The following HLA-DPB1 variants were observed in gnomAD, a reference collection of about 807,000 sequenced individuals.
HLA-DPB1 encodes HLA class II histocompatibility antigen, DP beta 1 chain.
HLA-DPB1 carries 30 observed loss-of-function variants against 29.4 expected under a neutral mutation model. That is an observed-to-expected ratio of 1.02 (90% confidence interval 0.76 to 1.38). HLA-DPB1 has a LOEUF of 1.38. Among genes scored for constraint, HLA-DPB1 ranks in the 40% most tolerant of loss-of-function variants. The pLI is 0.00. For missense variants in HLA-DPB1, 261 were observed against 327.5 expected (o/e 0.80, Z 1.57); for synonymous variants, 114 against 134.0 (o/e 0.85, Z 1.03).
In HLA-DPB1 at chr6:33,080,580, A is replaced by C. The variant is rs749724904; in HGVS notation, c.101-92A>C. ...TTAAAATCCAGCCCTGGGTGGGAAG[A>C]TTTGGGAAGAATCGTTAATATTGAG... On this transcript the variant is annotated intron_variant, in intron 1 of 5. Coordinates refer to ENST00000418931, the MANE Select transcript of HLA-DPB1 (RefSeq NM_002121.6). The surrounding 1 kb of genome is among the most constrained non-coding windows in gnomAD (Gnocchi z 4.3). 1.9e-6 allele frequency: 3 copies of C among 1,578,750 alleles called. No individual in the cohort carries two copies. In the South Asian group the frequency reaches 3.3e-5, roughly 18 times the overall value.
At chr6:33,083,257 TG>T (rs1762952451) in intron 2 of HLA-DPB1, among the ~76,000 whole-genome samples, 1 of 152,194 alleles carries the variant, frequency 6.6e-6, no homozygotes. Context: ...TACTTTTACC[TG>T]GCCCAGCGCC....
chr6:33,078,333 G>A (rs1035977090), intron 1 of HLA-DPB1, among the ~76,000 whole-genome samples: 9 of 152,120 alleles, frequency 5.9e-5, no homozygotes, highest in Non-Finnish European at 1.3e-4. Context: ...GGAGCCATAG[G>A]GGAGTGGGTA....
intron 1 of HLA-DPB1, among the ~76,000 whole-genome samples, chr6:33,077,460 T>C (rs1391494845): frequency 1.3e-5 from 2 of 152,112 alleles, no homozygotes; most frequent in Non-Finnish European, 2.9e-5. Flanking sequence ...GGTCAAATGG[T>C]ATTTCTAGTT....
In HLA-DPB1 at chr6:33,080,959, G is replaced by T. The variant is rs1303380150; in HGVS notation, c.364+24G>T. On this transcript the variant is annotated intron_variant, in intron 2 of 5. Transcript: ENST00000418931. The surrounding 1 kb of genome is among the most constrained non-coding windows in gnomAD (Gnocchi z 4.3). ...AGGTGAGTGAGGGCTTTGGGCCGGC[G>T]GTCCCAGGGCAGCCCCGCGGGCCCG... The T allele has an allele frequency of 1.3e-6, 2 of 1,557,552 alleles. No homozygotes were observed. Among genetic ancestry groups the T allele is most frequent in the Admixed American group, 1.8e-5 (1 of 55,706 alleles).
chr6:33,084,820 A>G (rs1457868060), intron 2 of HLA-DPB1, 130 bp from the exon 3 acceptor site: 2 of 715,396 alleles, frequency 2.8e-6, no homozygotes, highest in Non-Finnish European at 4.4e-6. Flanking sequence ...AGAATGAAAG[A>G]AAGAAAGAGC....
Position 33,083,540 on chromosome 6 carries a change from C to T in HLA-DPB1, c.365-1410C>T, listed in dbSNP as rs140964379. Reference sequence around the variant, plus strand: ...CTGGAGTGCTGTGGCACCATCATGGCTCACTGCAGCCTCAACCTCCTGGGC... The same window carrying T: ...CTGGAGTGCTGTGGCACCATCATGGTTCACTGCAGCCTCAACCTCCTGGGC... On this transcript the variant is annotated intron_variant, in intron 2 of 5. Transcript: ENST00000418931. 779 of 152,990 alleles carry T rather than the reference C, an allele frequency of 5.1e-3. 3 individuals carry two copies. The highest frequency in any genetic ancestry group is 0.011 in the East Asian group (58 of 5,268). 9.5% of individuals were successfully genotyped at this position (152,990 alleles called of 1,614,324 possible).
At chr6:33,085,622 T>C (rs9277466) in intron 3 of HLA-DPB1, among the ~76,000 whole-genome samples, 157 bp from the exon 4 acceptor site, 57,768 of 151,930 alleles carry the variant, frequency 0.38, 12,412 homozygotes, top group East Asian at 0.64. Flanking sequence ...CTGTTCCAGA[T>C]ATGAGGGTGG....
chr6:33,082,408 C>A (rs9277374), intron 2 of HLA-DPB1, among the ~76,000 whole-genome samples: 56,085 of 150,712 alleles, frequency 0.37, 11,871 homozygotes, highest in East Asian at 0.63. Flanking sequence ...ATGCACAGAT[C>A]TCCAGACTCA....
chr6:33,080,602 T>TGA lies in HLA-DPB1; in HGVS notation c.101-60_101-59dup, dbSNP rs1762785836. On this transcript the variant is annotated intron_variant, in intron 1 of 5. Transcript: ENST00000418931. The surrounding 1 kb of genome is among the most constrained non-coding windows in gnomAD (Gnocchi z 4.3). ...AAGATTTGGGAAGAATCGTTAATAT[T>TGA]GAGAGAGAGAGGGAGAAAGAGGATT... The TGA allele has an allele frequency of 2.2e-5, 35 of 1,593,806 alleles. No homozygotes were observed. Among genetic ancestry groups the TGA allele is most frequent in the South Asian group, 2.0e-4 (18 of 90,560 alleles).
At chr6:33,078,181 G>T (rs1315287528) in intron 1 of HLA-DPB1, among the ~76,000 whole-genome samples, 1 of 152,142 alleles carries the variant, frequency 6.6e-6, no homozygotes, top group East Asian at 1.9e-4. Context: ...GGCAGTGAAA[G>T]GGAGGACGGG....
At chr6:33,082,781 T>G (rs2150375468) in intron 2 of HLA-DPB1, among the ~76,000 whole-genome samples, 1 of 152,300 alleles carries the variant, frequency 6.6e-6, no homozygotes, top group East Asian at 1.9e-4. Context: ...GAGCAAATGT[T>G]TTCTGGGCAT....
Position 33,089,337 on chromosome 6 carries a change from A to G in HLA-DPB1, c.*2803A>G, listed in dbSNP as rs112303369. ...ACCTTCTCTTCAATTTCTTTTACAC[A>G]GTAAGAATAGGATCAGCTGTGCTAA... On this transcript the variant is annotated 3_prime_UTR_variant, in exon 6 of 6. Coordinates refer to ENST00000418931, the MANE Select transcript of HLA-DPB1 (RefSeq NM_002121.6). Among the ~76,000 whole-genome samples the G allele has an allele frequency of 0.019, 2,843 of 152,298 alleles. 77 individuals carry two copies. The highest frequency in any genetic ancestry group is 0.057 in the African/African-American group (2,362 of 41,534).
intron 1 of HLA-DPB1, chr6:33,079,669 TG>T: frequency 2.1e-6 from 1 of 482,956 alleles, no homozygotes; most frequent in Non-Finnish European, 4.1e-6. Flanking sequence ...TGCTGCCCAG[TG>T]GCTTCCAGAA....
At position 33,088,182 on chromosome 6, in the gene HLA-DPB1, G is replaced by A. The variant is rs1763197597; in HGVS notation, c.*1648G>A. 6.6e-6 allele frequency among the ~76,000 whole-genome samples: 1 copy of A among 152,190 alleles called. No homozygotes were observed. Among genetic ancestry groups the A allele is most frequent in the Non-Finnish European group, 1.5e-5 (1 of 68,034 alleles). ...ACGATGGAAGGAGGTCATGAGAATA[G>A]CAGAAAGTCTTCAAATCGAGATCAT... On this transcript the variant is annotated 3_prime_UTR_variant, in exon 6 of 6. Transcript: ENST00000418931.
rs1763051282 is a variant in HLA-DPB1, at chr6:33,085,330, G to A, written c.646+99G>A. 9 of 1,081,348 alleles carry A rather than the reference G, an allele frequency of 8.3e-6. No individual in the cohort carries two copies. The South Asian group carries it at 1.2e-4, about 15-fold the overall frequency. The allele number at this position is 1,081,348 out of a possible 1,614,324, so 67.0% of individuals were successfully genotyped here. Reference sequence around the variant, plus strand: ...TTATCTTCTGCATCTATACCCTGGGGCCATGTCCAAACCCCATCTTTCTTC... The same window carrying A: ...TTATCTTCTGCATCTATACCCTGGGACCATGTCCAAACCCCATCTTTCTTC... On this transcript the variant is annotated intron_variant, in intron 3 of 5. Coordinates refer to ENST00000418931, the MANE Select transcript of HLA-DPB1 (RefSeq NM_002121.6).
At position 33,086,850 on chromosome 6, in the gene HLA-DPB1, G is replaced by A. The variant is rs367833675; in HGVS notation, c.*316G>A. ...CTCTGAGGGTTTTAGTAGACAGTAG[G>A]AGTTAATAAAGAAGTTCATTTTGGT... On this transcript the variant is annotated 3_prime_UTR_variant, in exon 6 of 6. Transcript: ENST00000418931. 298 of 302,388 alleles carry A rather than the reference G, an allele frequency of 9.9e-4. 16 individuals carry two copies. Among genetic ancestry groups the A allele is most frequent in the South Asian group, 7.2e-3 (235 of 32,752 alleles). 18.7% of individuals were successfully genotyped at this position (302,388 alleles called of 1,614,324 possible).
chr6:33,079,497 G>A (rs565484704), intron 1 of HLA-DPB1: 1 of 323,444 alleles, frequency 3.1e-6, no homozygotes, highest in East Asian at 8.6e-5. Context: ...CTCAAAAAGA[G>A]GACCAACAAG....
intron 1 of HLA-DPB1, among the ~76,000 whole-genome samples, chr6:33,078,346 G>A (rs1157449309): frequency 3.3e-5 from 5 of 152,140 alleles, no homozygotes; most frequent in African/African-American, 1.2e-4. Context: ...AGTGGGTAAA[G>A]TGGGCAGGGC....
Position 33,080,412 on chromosome 6 carries a change from C to T in HLA-DPB1, c.101-260C>T. Reference sequence around the variant, plus strand: ...AGAAGGGACTGCCTTCCCCTCAGTGCTCGCCCCTCCCTAGTGATCACTCAG... The same window carrying T: ...AGAAGGGACTGCCTTCCCCTCAGTGTTCGCCCCTCCCTAGTGATCACTCAG... On this transcript the variant is annotated intron_variant, in intron 1 of 5. Transcript: ENST00000418931. This position sits in a 1 kb window ranked among gnomAD's most constrained non-coding sequence, Gnocchi z 4.3. 1 of 673,432 alleles carries T rather than the reference C, an allele frequency of 1.5e-6. No individual in the cohort carries two copies. Among genetic ancestry groups the T allele is most frequent in the Admixed American group, 2.1e-5 (1 of 48,376 alleles). The allele number at this position is 673,432 out of a possible 1,614,324, so 41.7% of individuals were successfully genotyped here. A position where few individuals can be genotyped will look rare whatever the true frequency, so the allele number is the denominator to read the frequency against.
Sources: gnomAD v4.1 joint callset for allele counts (sites outside exome capture counted in the v4.1 genomes callset) on GRCh38, gnomAD v4.1.1 for gene constraint, Gnocchi (gnomAD v3.1) non-coding constraint, MANE v1.5 for transcripts, NCBI Gene and HGNC (gene_info 2026-07-23, HGNC 2026-07-21) for gene names.